SNX10: variants seen among roughly 807,000 people sequenced by gnomAD.
The protein encoded by SNX10 is sorting nexin 10, also known as sorting nexin-10.
Under a neutral mutation model 28.5 loss-of-function variants are expected in SNX10, and 25 were observed. That is an observed-to-expected ratio of 0.88 (90% CI 0.64 to 1.22). The LOEUF (loss-of-function observed/expected upper bound fraction) is 1.22. Ranked by LOEUF, SNX10 falls within the 50% of genes most tolerant of loss-of-function variation. The pLI, the probability that SNX10 is intolerant of heterozygous loss-of-function variation, is 0.00. For synonymous variants in SNX10, 62 were observed against 81.4 expected, an observed-to-expected ratio of 0.76 and a Z score of 1.28; for missense variants, 223 against 242.6, an observed-to-expected ratio of 0.92 and a Z score of 0.54.
intron 3 of SNX10, among the ~76,000 whole-genome samples, chr7:26,362,623 G>T (rs924975615): frequency 6.6e-6 from 1 of 152,212 alleles, no homozygotes; most frequent in African/African-American, 2.4e-5. Context: ...CTCTAATCTT[G>T]AAGAGACTTC....
At chr7:26,317,455 C>G (rs1787136219) in intron 1 of SNX10, among the ~76,000 whole-genome samples, 1 of 152,150 alleles carries the variant, frequency 6.6e-6, no homozygotes, top group Non-Finnish European at 1.5e-5. Context: ...ACAACATACT[C>G]AGCACAAGGC....
chr7:26,367,250 C>T (rs985994540), intron 5 of SNX10, among the ~76,000 whole-genome samples: 2 of 152,126 alleles, frequency 1.3e-5, no homozygotes, highest in African/African-American at 2.4e-5. Flanking sequence ...GGCTGCGTGC[C>T]ACGGACATAG....
At chr7:26,349,850 G>C (rs534976157) in intron 2 of SNX10, among the ~76,000 whole-genome samples, 12 of 152,334 alleles carry the variant, frequency 7.9e-5, no homozygotes, top group African/African-American at 2.9e-4. Flanking sequence ...GCTTGCCTCA[G>C]CCTTGCTGAA....
chr7:26,369,854 T>TCA (rs1361641656), intron 5 of SNX10, among the ~76,000 whole-genome samples: 5 of 152,224 alleles, frequency 3.3e-5, no homozygotes, highest in African/African-American at 1.2e-4. Flanking sequence ...TGGACTCTGA[T>TCA]CACTTTTGTT....
At chr7:26,354,378 C>G (rs768391789) in intron 2 of SNX10, among the ~76,000 whole-genome samples, 1 of 152,132 alleles carries the variant, frequency 6.6e-6, no homozygotes, top group Non-Finnish European at 1.5e-5. Context: ...GAGACAGGGT[C>G]TCTCTTGTTG....
At chr7:26,358,066 A>G (rs1224161277) in intron 2 of SNX10, among the ~76,000 whole-genome samples, 3 of 152,200 alleles carry the variant, frequency 2.0e-5, no homozygotes, top group Admixed American at 2.0e-4. Flanking sequence ...CAGGATGCAG[A>G]GAGGGAAGAA....
intron 2 of SNX10, chr7:26,360,455 T>C (rs1478863782): frequency 1.3e-5 from 2 of 155,020 alleles, no homozygotes; most frequent in African/African-American, 4.8e-5. Flanking sequence ...GGTTTCACCA[T>C]GTTGCCTAGG....
At chr7:26,357,052 T>A in intron 2 of SNX10, 2 of 1,225,758 alleles carry the variant, frequency 1.6e-6, no homozygotes, top group Non-Finnish European at 2.1e-6. Flanking sequence ...GCATTGGATG[T>A]ATGAGGCATT....
At chr7:26,305,135 C>T (rs1715090133) in intron 1 of SNX10, among the ~76,000 whole-genome samples, 1 of 152,158 alleles carries the variant, frequency 6.6e-6, no homozygotes, top group African/African-American at 2.4e-5. Context: ...TCACTGGAGT[C>T]CCCTGTGGGG....
chr7:26,326,802 G>A (rs926641156), intron 1 of SNX10, among the ~76,000 whole-genome samples: 2 of 152,134 alleles, frequency 1.3e-5, no homozygotes, highest in Non-Finnish European at 2.9e-5. Flanking sequence ...TTCAGTTTAA[G>A]TGATCCTCCT....
At position 26,332,541 on chromosome 7, in the gene SNX10, G is replaced by A. The variant is rs142925847; in HGVS notation, c.-23-13879G>A. Among the ~76,000 whole-genome samples, 12 of 152,214 alleles carry A rather than the reference G, an allele frequency of 7.9e-5. No homozygotes were observed. The East Asian group carries it at 2.1e-3, about 27-fold the overall frequency. ...ATTCTGTGGGTTGTCTCTGATGGTG[G>A]CATTTGAAGCACAAAAGTTTTACAT... is the stretch of plus-strand genomic sequence containing the variant. On this transcript the variant is annotated intron_variant, in intron 1 of 6. Transcript: ENST00000338523.
intron 1 of SNX10, among the ~76,000 whole-genome samples, chr7:26,310,027 T>G (rs1487295067): frequency 6.6e-6 from 1 of 152,198 alleles, no homozygotes; most frequent in African/African-American, 2.4e-5. Context: ...ATTTTAACAT[T>G]ATTCCCCAGT....
intron 5 of SNX10, among the ~76,000 whole-genome samples, chr7:26,369,104 C>A (rs1315621479): frequency 1.3e-5 from 2 of 152,156 alleles, no homozygotes; most frequent in East Asian, 1.9e-4. Context: ...TTCTGATTTG[C>A]ACTATAAATA....
intron 1 of SNX10, among the ~76,000 whole-genome samples, chr7:26,315,304 G>A (rs1258724368): frequency 2.0e-5 from 3 of 152,144 alleles, no homozygotes; most frequent in African/African-American, 4.8e-5. Context: ...ACTTTATACA[G>A]TACATTATCT....
At chr7:26,329,007 T>C (rs1357025238) in intron 1 of SNX10, among the ~76,000 whole-genome samples, 1 of 152,166 alleles carries the variant, frequency 6.6e-6, no homozygotes, top group Non-Finnish European at 1.5e-5. Context: ...GCCTGCACCA[T>C]TAGTCATCTC....
At chr7:26,339,382 G>T (rs1430607128) in intron 1 of SNX10, among the ~76,000 whole-genome samples, 2 of 151,848 alleles carry the variant, frequency 1.3e-5, no homozygotes, top group African/African-American at 4.8e-5. Context: ...GCATGTGCCC[G>T]GTCTTGCATA....
At chr7:26,367,771 T>C (rs1789353488) in intron 5 of SNX10, among the ~76,000 whole-genome samples, 1 of 152,202 alleles carries the variant, frequency 6.6e-6, no homozygotes, top group Non-Finnish European at 1.5e-5. Flanking sequence ...GAGCCCCCAC[T>C]GGTTACCTGT....
intron 5 of SNX10, among the ~76,000 whole-genome samples, chr7:26,366,516 A>G (rs1283353069): frequency 6.6e-6 from 1 of 152,204 alleles, no homozygotes; most frequent in Non-Finnish European, 1.5e-5. Context: ...ATGGCAGGAC[A>G]GAGACCTGGC....
At chr7:26,349,804 G>T (rs1217761397) in intron 2 of SNX10, among the ~76,000 whole-genome samples, 1 of 152,204 alleles carries the variant, frequency 6.6e-6, no homozygotes, top group African/African-American at 2.4e-5. Flanking sequence ...CGAATGTCCA[G>T]AGTGAGCTGT....
Sources: gnomAD v4.1 joint callset for allele counts (sites outside exome capture counted in the v4.1 genomes callset) on GRCh38, gnomAD v4.1.1 for gene constraint, MANE v1.5 for transcripts, NCBI Gene and HGNC (gene_info 2026-07-23, HGNC 2026-07-21) for gene names.